Variants in OSBPL7 observed in about 807,000 individuals in gnomAD.
OSBPL7 encodes oxysterol binding protein like 7.
Under a neutral mutation model 115.8 loss-of-function variants are expected in OSBPL7, and 66 were observed. The ratio of observed to expected loss-of-function variants is 0.57; its 90% CI spans 0.47 to 0.70. The LOEUF is 0.70. Among genes scored for constraint, OSBPL7 ranks in the 30% least tolerant of loss-of-function variants. The probability of loss-of-function intolerance (pLI) is 0.00; values close to 1 mark genes in which losing one functional copy is unlikely to be tolerated. For synonymous variants in OSBPL7, 441 were observed against 439.2 expected (o/e 1.00, Z -0.05); for missense variants, 902 against 1,125.5 (o/e 0.80, Z 2.84).
intron 4 of OSBPL7, chr17:47,819,438 G>A (rs1308887661): frequency 1.7e-6 from 1 of 575,552 alleles, no homozygotes; most frequent in Non-Finnish European, 3.1e-6. Context: ...ATGGGACCAG[G>A]ATGAGGGTGG....
In OSBPL7 at chr17:47,816,056, G is replaced by C. The variant is rs2033203467; in HGVS notation, c.1119+51C>G. ...CTGCCCTGGGCCTTGGCTTTCGCTG[G>C]GAGAGAAGGCACAGGAGAATCGGCC... On this transcript the variant is annotated intron_variant, in intron 12 of 22. Transcript: ENST00000007414. This position sits in a 1 kb window ranked among gnomAD's most constrained non-coding sequence, Gnocchi z 5.8. 6.8e-7 allele frequency: 1 copy of C among 1,473,640 alleles called. No individual in the cohort carries two copies. Among genetic ancestry groups the C allele is most frequent in the African/African-American group, 1.4e-5 (1 of 70,664 alleles). The allele number at this position is 1,473,640 out of a possible 1,614,324, so 91.3% of individuals were successfully genotyped here.
intron 12 of OSBPL7, chr17:47,815,636 C>T (rs2033190750): frequency 6.7e-6 from 3 of 446,780 alleles, no homozygotes; most frequent in Non-Finnish European, 1.2e-5. Context: ...GTGCACTAAC[C>T]CATTCAATCC....
chr17:47,816,786 A>G lies in OSBPL7; in HGVS notation c.789T>C (p.Ile263=), dbSNP rs765847830. The G allele has an allele frequency of 6.8e-6, 11 of 1,614,132 alleles. No individual in the cohort carries two copies. Among genetic ancestry groups the G allele is most frequent in the Non-Finnish European group, 8.5e-6 (10 of 1,180,016 alleles). Residue 263 remains isoleucine, a synonymous_variant, in exon 9 of 23, where the codon ATT becomes ATC. Coordinates refer to ENST00000007414, the MANE Select transcript of OSBPL7 (RefSeq NM_145798.3). The surrounding 1 kb of genome is among the most constrained non-coding windows in gnomAD (Gnocchi z 5.8). ...GGTGCATGCCCGACCTCACCCGTCC[A>G]ATGGTGTCATCCTTGGCAAAGCTCT... is the stretch of plus-strand genomic sequence containing the variant. ...CTQSFAKDDT[I]GRVGRLHGSV...
chr17:47,819,073 G>T lies in OSBPL7; in HGVS notation c.282C>A (p.Ser94=), dbSNP rs374180112. ...QDITKGKLHG[S]IDVRLSVMSI... is the part of the protein sequence containing the mutation. Reference sequence around the variant, plus strand: ...ACATGACCGACAGCCGGACATCGATGGAGCCATGGAGCTTCCCCTTGGTGA... The same window carrying T: ...ACATGACCGACAGCCGGACATCGATTGAGCCATGGAGCTTCCCCTTGGTGA... Residue 94 remains serine, a synonymous_variant, in exon 5 of 23, where the codon TCC becomes TCA. Coordinates refer to ENST00000007414, the MANE Select transcript of OSBPL7 (RefSeq NM_145798.3). The T allele has an allele frequency of 2.3e-5, 37 of 1,613,970 alleles. No homozygotes were observed. Among genetic ancestry groups the T allele is most frequent in the Non-Finnish European group, 2.5e-5 (29 of 1,179,992 alleles).
intron 12 of OSBPL7, 90 bp from the exon 13 acceptor site, chr17:47,815,442 G>A: frequency 1.9e-6 from 3 of 1,552,908 alleles, no homozygotes; most frequent in South Asian, 1.2e-5. Context: ...TCCCTTGAGA[G>A]GGAGGCATAA....
intron 16 of OSBPL7, among the ~76,000 whole-genome samples, chr17:47,812,902 G>A (rs2033087438): frequency 6.6e-6 from 1 of 152,082 alleles, no homozygotes; most frequent in Non-Finnish European, 1.5e-5. Flanking sequence ...CTCAGCATCT[G>A]GCCCACCTTG....
chr17:47,820,449 A>G, intron 1 of OSBPL7, 84 bp from the exon 2 acceptor site: 1 of 627,552 alleles, frequency 1.6e-6, no homozygotes, highest in South Asian at 2.0e-5. Flanking sequence ...CTCTGAGATA[A>G]GGGCTCCCCA....
At chr17:47,814,486 T>G in intron 14 of OSBPL7, 35 bp downstream of exon 14, 11 of 426,306 alleles carry the variant, frequency 2.6e-5, no homozygotes, top group Non-Finnish European at 4.5e-5. Flanking sequence ...TCCACCCGCC[T>G]CCCACCCCTC....
chr17:47,813,051 T>C (rs73988853), intron 16 of OSBPL7, among the ~76,000 whole-genome samples: 1,811 of 152,252 alleles, frequency 0.012, 45 homozygotes, highest in African/African-American at 0.042. Flanking sequence ...TAGCCCAAGA[T>C]TGCCCCCTAA....
chr17:47,814,413 G>T, intron 14 of OSBPL7, 108 bp downstream of exon 14: 4 of 1,006,434 alleles, frequency 4.0e-6, no homozygotes, highest in Non-Finnish European at 6.0e-6. Flanking sequence ...AAAGCCACTA[G>T]CCCATCAGTC....
intron 18 of OSBPL7, among the ~76,000 whole-genome samples, chr17:47,810,315 T>A (rs929607037): frequency 2.0e-5 from 3 of 152,222 alleles, no homozygotes; most frequent in African/African-American, 7.2e-5. Context: ...CATTTCTGAC[T>A]GTGAGACTGT....
In OSBPL7 at chr17:47,818,358, G is replaced by GCC; in HGVS notation, c.508_509insGG (p.Ala170GlyfsTer20). On this transcript the variant is annotated frameshift_variant, in exon 7 of 23. Transcript: ENST00000007414. LOFTEE classifies it high-confidence loss of function. ...AAGCCCAGGTAGGGCTGAGGCAGTA[G>GCC]CTGCTGTTGGAAGCTGGGCACCAGG... 1 of 1,614,092 alleles carries GCC rather than the reference G, an allele frequency of 6.2e-7. No individual in the cohort carries two copies. The highest frequency in any genetic ancestry group is 1.7e-5 in the Admixed American group (1 of 60,022).
chr17:47,817,161 GA>G lies in OSBPL7; in HGVS notation c.702+94del, dbSNP rs2033248170. 6 of 1,015,490 alleles carry G rather than the reference GA, an allele frequency of 5.9e-6. No homozygotes were observed. The South Asian group carries it at 7.7e-5, about 13-fold the overall frequency. The allele number at this position is 1,015,490 out of a possible 1,614,324, so 62.9% of individuals were successfully genotyped here. On this transcript the variant is annotated intron_variant, in intron 8 of 22. Coordinates refer to ENST00000007414, the MANE Select transcript of OSBPL7 (RefSeq NM_145798.3). ...AACCAGGCGATGCATGGCTCTCCAG[GA>G]AACTGCAGCGATGTAGGAGGAATAG...
At chr17:47,814,410 C>T in intron 14 of OSBPL7, 111 bp downstream of exon 14, 1 of 994,298 alleles carries the variant, frequency 1.0e-6, no homozygotes, top group East Asian at 2.5e-5. Context: ...TCCAAAGCCA[C>T]TAGCCCATCA....
rs2032916525 is a variant in OSBPL7, at chr17:47,808,234, T to A, written c.*57A>T. On this transcript the variant is annotated 3_prime_UTR_variant, in exon 23 of 23. Transcript: ENST00000007414. The surrounding 1 kb of genome is among the most constrained non-coding windows in gnomAD (Gnocchi z 6.1). ...CCCGGCCTCACCCATGTGTCCATGG[T>A]AGGGGGTGGAGGCAGGAGGAGTGAG... 1 of 1,345,110 alleles carries A rather than the reference T, an allele frequency of 7.4e-7. No homozygotes were observed. The highest frequency in any genetic ancestry group is 1.1e-6 in the Non-Finnish European group (1 of 945,618). The allele number at this position is 1,345,110 out of a possible 1,614,324, so 83.3% of individuals were successfully genotyped here. A position where few individuals can be genotyped will look rare whatever the true frequency, so the allele number is the denominator to read the frequency against.
intron 1 of OSBPL7, 42 bp downstream of exon 1, chr17:47,821,624 C>G (rs1009705301): frequency 2.0e-5 from 3 of 152,452 alleles, no homozygotes; most frequent in African/African-American, 7.2e-5. Context: ...TGGGAGGAAG[C>G]TCTTCTCAGG....
In OSBPL7 at chr17:47,808,905, C is replaced by A. The variant is rs371432566; in HGVS notation, c.2256G>T (p.Arg752=). The A allele has an allele frequency of 2.5e-6, 4 of 1,614,096 alleles. No individual in the cohort carries two copies. The highest frequency in any genetic ancestry group is 2.7e-5 in the African/African-American group (2 of 74,934). The change falls in exon 21 of 23, where the codon CGG becomes CGT. Residue 752 remains arginine (R), a synonymous_variant. Coordinates refer to ENST00000007414, the MANE Select transcript of OSBPL7 (RefSeq NM_145798.3). This position sits in a 1 kb window ranked among gnomAD's most constrained non-coding sequence, Gnocchi z 6.1. ...ELNELTAELK[R]SLPSTDTRLR... Reference sequence around the variant, plus strand: ...GTCTCGTGTCGGTGGAAGGCAGCGACCGTTTCAGCTCTGCTGTCAGCTCAT... The same window carrying A: ...GTCTCGTGTCGGTGGAAGGCAGCGAACGTTTCAGCTCTGCTGTCAGCTCAT...
At position 47,820,066 on chromosome 17, in the gene OSBPL7, G is replaced by A. The variant is rs773385007; in HGVS notation, c.106C>T (p.Pro36Ser). 1 of 1,612,268 alleles carries A rather than the reference G, an allele frequency of 6.2e-7. No individual in the cohort carries two copies. Among genetic ancestry groups the A allele is most frequent in the Non-Finnish European group, 8.5e-7 (1 of 1,179,920 alleles). Residue 36 changes from proline to serine, a missense_variant, in exon 3 of 23, where the codon CCT becomes TCT. Around this residue, in one of 3 missense-constraint regions of OSBPL7, gnomAD observed 667 missense variants for 788.7 expected, o/e 0.85. Coordinates refer to ENST00000007414, the MANE Select transcript of OSBPL7 (RefSeq NM_145798.3). ...ASELWEVVEE[P>S]RVRLGTEGVM... ...CCCTCTGTCCCCAGCCTGACCCGAG[G>A]CTCCTCCACCACCTCCCACAGCTCA...
intron 14 of OSBPL7, 22 bp downstream of exon 14, chr17:47,814,482 CGCCTCCCACCCCTCCCT>C: frequency 9.4e-7 from 1 of 1,062,012 alleles, no homozygotes; most frequent in Non-Finnish European, 1.4e-6. Context: ...TTTTTCCACC[CGCCTCCCACCCCTCCCT>C]GCCTGCCCAC....
Sources: gnomAD v4.1 joint callset for allele counts (sites outside exome capture counted in the v4.1 genomes callset) on GRCh38, gnomAD v4.1.1 for gene constraint, gnomAD v4.1.1 regional missense constraint, Gnocchi (gnomAD v3.1) non-coding constraint, MANE v1.5 for transcripts, NCBI Gene and HGNC (gene_info 2026-07-23, HGNC 2026-07-21) for gene names.